Variants in MYO10 observed in about 807,000 individuals in gnomAD.
The protein encoded by MYO10 is myosin X, also known as unconventional myosin-X.
In MYO10, 133 loss-of-function variants were observed where a neutral mutation model predicts 257.3. That is an observed-to-expected ratio of 0.52 (90% confidence interval 0.45 to 0.60). The LOEUF (loss-of-function observed/expected upper bound fraction) is 0.60. Ranked by LOEUF, MYO10 falls within the 20% of genes least tolerant of loss-of-function variation. The pLI, the probability that MYO10 is intolerant of heterozygous loss-of-function variation, is 0.00. For synonymous variants in MYO10, 1,104 were observed against 1,028.6 expected, an observed-to-expected ratio of 1.07 and a Z score of -1.40; for missense variants, 2,399 against 2,635.7, an observed-to-expected ratio of 0.91 and a Z score of 1.97.
At chr5:16,809,463 G>A (rs1381077125) in intron 3 of MYO10, among the ~76,000 whole-genome samples, 1 of 152,210 alleles carries the variant, frequency 6.6e-6, no homozygotes, top group African/African-American at 2.4e-5. Flanking sequence ...CCAGTCCACG[G>A]CAGGGTATGC....
intron 2 of MYO10, among the ~76,000 whole-genome samples, chr5:16,822,651 T>TAA (rs947045148): frequency 2.0e-5 from 3 of 151,636 alleles, no homozygotes; most frequent in African/African-American, 7.3e-5. Context: ...ACACCTGATT[T>TAA]AATTTGGAAA....
intron 19 of MYO10, chr5:16,741,976 G>A: frequency 1.0e-6 from 1 of 985,310 alleles, no homozygotes; most frequent in Non-Finnish European, 1.2e-6. Context: ...ATTCATTCCT[G>A]ATTCTACTCA....
At chr5:16,886,449 CT>C (rs1744899704) in intron 1 of MYO10, among the ~76,000 whole-genome samples, 1 of 152,214 alleles carries the variant, frequency 6.6e-6, no homozygotes, top group Non-Finnish European at 1.5e-5. Flanking sequence ...TGACATTGTG[CT>C]TCAGAATTCC....
intron 2 of MYO10, among the ~76,000 whole-genome samples, chr5:16,849,996 A>C (rs1393033236): frequency 6.6e-6 from 1 of 152,212 alleles, no homozygotes; most frequent in African/African-American, 2.4e-5. Flanking sequence ...AGTAACTGAG[A>C]GGACTGACAT....
chr5:16,818,643 G>T (rs1265680706), intron 2 of MYO10, among the ~76,000 whole-genome samples: 2 of 149,636 alleles, frequency 1.3e-5, no homozygotes, highest in African/African-American at 4.9e-5. Flanking sequence ...TTGTCATGTT[G>T]CCCAGGCTGG....
chr5:16,922,241 G>A (rs1746007625), intron 1 of MYO10, among the ~76,000 whole-genome samples: 1 of 151,850 alleles, frequency 6.6e-6, no homozygotes, highest in African/African-American at 2.4e-5. Context: ...AAGGGTGCCA[G>A]GGTTCAGAAG....
chr5:16,847,956 G>C (rs192917100), intron 2 of MYO10, among the ~76,000 whole-genome samples: 27 of 152,268 alleles, frequency 1.8e-4, no homozygotes, highest in Admixed American at 1.4e-3. Context: ...TCACATGCAA[G>C]TGATAGCCTA....
At chr5:16,775,187 T>A (rs31567) in intron 9 of MYO10, among the ~76,000 whole-genome samples, 22,320 of 152,160 alleles carry the variant, frequency 0.15, 1,712 homozygotes, top group African/African-American at 0.17. Context: ...TAAGGGGCAA[T>A]TTGAAGGGCT....
intron 19 of MYO10, chr5:16,738,477 G>C: frequency 1.1e-6 from 1 of 918,388 alleles, no homozygotes. Context: ...CTCAAGGTGA[G>C]GGAGCCCAGT....
At chr5:16,808,041 G>C (rs993258002) in intron 3 of MYO10, among the ~76,000 whole-genome samples, 4 of 152,142 alleles carry the variant, frequency 2.6e-5, no homozygotes, top group Admixed American at 2.0e-4. Context: ...CATCAGCATC[G>C]ATATGCTGAG....
chr5:16,690,015 A>ACTGT, intron 27 of MYO10, 96 bp from the exon 28 acceptor site: 1 of 864,646 alleles, frequency 1.2e-6, no homozygotes, highest in East Asian at 2.5e-5. Flanking sequence ...AGAGTTGGGA[A>ACTGT]CTGTCTGTTA....
chr5:16,828,265 T>C (rs1384297893), intron 2 of MYO10, among the ~76,000 whole-genome samples: 2 of 151,946 alleles, frequency 1.3e-5, no homozygotes, highest in Non-Finnish European at 2.9e-5. Flanking sequence ...AAAGAGAACG[T>C]GGTGTGATTA....
At chr5:16,693,343 A>G (rs1413736698) in intron 27 of MYO10, among the ~76,000 whole-genome samples, 1 of 152,206 alleles carries the variant, frequency 6.6e-6, no homozygotes. Context: ...GAGGCAACAG[A>G]GCCATGCCTT....
intron 2 of MYO10, among the ~76,000 whole-genome samples, chr5:16,855,690 A>G (rs970064219): frequency 6.6e-6 from 1 of 152,216 alleles, no homozygotes; most frequent in Non-Finnish European, 1.5e-5. Context: ...AACTCGGGAC[A>G]GCATATGCTC....
At chr5:16,673,572 C>G in intron 36 of MYO10, 110 bp downstream of exon 36, 1 of 1,187,684 alleles carries the variant, frequency 8.4e-7, no homozygotes, top group South Asian at 1.4e-5. Flanking sequence ...CTGTACTAAG[C>G]AAACTGCAAC....
At chr5:16,861,381 C>T (rs1469670996) in intron 2 of MYO10, among the ~76,000 whole-genome samples, 2 of 151,902 alleles carry the variant, frequency 1.3e-5, no homozygotes, top group Admixed American at 6.6e-5. Context: ...GCCTGGCCAA[C>T]GTAGTGAAAT....
At chr5:16,700,253 G>A (rs1424113882) in intron 25 of MYO10, among the ~76,000 whole-genome samples, 2 of 152,088 alleles carry the variant, frequency 1.3e-5, no homozygotes, top group Non-Finnish European at 2.9e-5. Context: ...GTTCACCCCT[G>A]GCAAGTCTTG....
intron 1 of MYO10, among the ~76,000 whole-genome samples, chr5:16,927,254 C>A (rs201662018): frequency 6.6e-6 from 1 of 152,054 alleles, no homozygotes; most frequent in Admixed American, 6.5e-5. Context: ...GCATCTACCA[C>A]AAACATGAAG....
chr5:16,917,533 C>T (rs188426415), intron 1 of MYO10, among the ~76,000 whole-genome samples: 1 of 152,082 alleles, frequency 6.6e-6, no homozygotes, highest in Non-Finnish European at 1.5e-5. Context: ...AAAAGTGCCT[C>T]CAGTTGAGAA....
Sources: gnomAD v4.1 joint callset for allele counts (sites outside exome capture counted in the v4.1 genomes callset) on GRCh38, gnomAD v4.1.1 for gene constraint, MANE v1.5 for transcripts, NCBI Gene and HGNC (gene_info 2026-07-23, HGNC 2026-07-21) for gene names.